The following CDK2AP1 variants were observed in gnomAD, a reference collection of about 807,000 sequenced individuals.
CDK2AP1 encodes the protein cyclin-dependent kinase 2-associated protein 1.
Under a neutral mutation model 14.1 loss-of-function variants are expected in CDK2AP1, and 10 were observed. The ratio of observed to expected loss-of-function variants is 0.71; its 90% CI spans 0.44 to 1.20. The LOEUF is 1.20. Among genes scored for constraint, CDK2AP1 ranks in the 50% most tolerant of loss-of-function variants. CDK2AP1 has a pLI of 0.00. For synonymous variants in CDK2AP1, 59 were observed against 59.8 expected (o/e 0.99, Z 0.06); for missense variants, 102 against 149.9 (o/e 0.68, Z 1.67).
At chr12:123,270,177 C>G in intron 1 of CDK2AP1, 1 of 981,476 alleles carries the variant, frequency 1.0e-6, no homozygotes, top group Non-Finnish European at 1.2e-6. Flanking sequence ...GCAGTCCTAC[C>G]TGGCAACAAA....
At chr12:123,268,235 A>G in intron 1 of CDK2AP1, 1 of 985,466 alleles carries the variant, frequency 1.0e-6, no homozygotes, top group Non-Finnish European at 1.2e-6. Flanking sequence ...TCACACACAC[A>G]GTGGGCGCCG....
Position 123,265,463 on chromosome 12 carries a change from ACTGCACTCCAGC to A in CDK2AP1, c.154-153_154-142del, listed in dbSNP as rs2048280291. The A allele has an allele frequency of 1.4e-6, 1 of 695,318 alleles. No homozygotes were observed. Among genetic ancestry groups the A allele is most frequent in the Non-Finnish European group, 2.5e-6 (1 of 402,844 alleles). The allele number at this position is 695,318 out of a possible 1,614,324, so 43.1% of individuals were successfully genotyped here. On this transcript the variant is annotated intron_variant, in intron 2 of 3. Transcript: ENST00000261692. The surrounding 1 kb of genome is among the most constrained non-coding windows in gnomAD (Gnocchi z 5.3). ...AGTTGCAGTGAGCCAAGATCACTCC[ACTGCACTCCAGC>A]CTGGGCAACAGAGCGAGACTCCATC...
In CDK2AP1 at chr12:123,265,045, C is replaced by T. The variant is rs959002549; in HGVS notation, c.280+151G>A. On this transcript the variant is annotated intron_variant, in intron 3 of 3. Transcript: ENST00000261692. This position sits in a 1 kb window ranked among gnomAD's most constrained non-coding sequence, Gnocchi z 5.3. Reference sequence around the variant, plus strand: ...ACCAGACCCATCGCCTGCCTGAGGCCTCCACCACAGACGGCAACTCTGTAA... The same window carrying T: ...ACCAGACCCATCGCCTGCCTGAGGCTTCCACCACAGACGGCAACTCTGTAA... 40 of 1,119,700 alleles carry T rather than the reference C, an allele frequency of 3.6e-5. No individual in the cohort carries two copies. Among genetic ancestry groups the T allele is most frequent in the Non-Finnish European group, 3.5e-5 (27 of 770,818 alleles). 69.4% of individuals were successfully genotyped at this position (1,119,700 alleles called of 1,614,324 possible). A position where few individuals can be genotyped will look rare whatever the true frequency, so the allele number is the denominator to read the frequency against.
rs2048275430 is a variant in CDK2AP1 at position 123,265,026 on chromosome 12, C to T, written c.280+170G>A. On this transcript the variant is annotated intron_variant, in intron 3 of 3. Transcript: ENST00000261692. The surrounding 1 kb of genome is among the most constrained non-coding windows in gnomAD (Gnocchi z 5.3). Reference sequence around the variant, plus strand: ...GCCCCCCAGGCCCCTCGCTACCAGACCCATCGCCTGCCTGAGGCCTCCACC... The same window carrying T: ...GCCCCCCAGGCCCCTCGCTACCAGATCCATCGCCTGCCTGAGGCCTCCACC... 1.3e-5 allele frequency among the ~76,000 whole-genome samples: 2 copies of T among 152,178 alleles called. No homozygotes were observed. Among genetic ancestry groups the T allele is most frequent in the Admixed American group, 1.3e-4 (2 of 15,270 alleles).
At chr12:123,267,408 G>A in intron 1 of CDK2AP1, 126 bp from the exon 2 acceptor site, 1 of 674,520 alleles carries the variant, frequency 1.5e-6, no homozygotes, top group South Asian at 1.6e-5. Flanking sequence ...GGAGAACCCT[G>A]CTCTCCACCT....
intron 1 of CDK2AP1, among the ~76,000 whole-genome samples, chr12:123,268,640 G>A (rs980012430): frequency 6.6e-6 from 1 of 152,234 alleles, no homozygotes; most frequent in African/African-American, 2.4e-5. Context: ...GCAGAGCACC[G>A]TGCCACTCCG....
At position 123,270,882 on chromosome 12, in the gene CDK2AP1, C is replaced by G. The variant is rs1213737687; in HGVS notation, c.55+682G>C. 4 of 985,232 alleles carry G rather than the reference C, an allele frequency of 4.1e-6. No homozygotes were observed. The African/African-American group carries it at 7.0e-5, about 17-fold the overall frequency. The allele number at this position is 985,232 out of a possible 1,614,324, so 61.0% of individuals were successfully genotyped here. A position where few individuals can be genotyped will look rare whatever the true frequency, so the allele number is the denominator to read the frequency against. On this transcript the variant is annotated intron_variant, in intron 1 of 3. Coordinates refer to ENST00000261692, the MANE Select transcript of CDK2AP1 (RefSeq NM_004642.4). ...CTGCGCCAACTTCGTTCACTCCGCG[C>G]TCACCTTACGGGGGTCCCCGCGTGA...
rs1320773776 is a variant in CDK2AP1, at chr12:123,261,323, GTGCTGTCAATA to G, written c.*402_*412del. On this transcript the variant is annotated 3_prime_UTR_variant, in exon 4 of 4. Coordinates refer to ENST00000261692, the MANE Select transcript of CDK2AP1 (RefSeq NM_004642.4). ...ATGGGAACCGGCTACTAAGTAAAGC[GTGCTGTCAATA>G]TGCGTTCAAAACAAAATCCCTACAG... 8 of 159,180 alleles carry G rather than the reference GTGCTGTCAATA, an allele frequency of 5.0e-5. No homozygotes were observed. In the East Asian group the frequency reaches 1.5e-3, roughly 30 times the overall value. The allele number at this position is 159,180 out of a possible 1,614,324, so 9.9% of individuals were successfully genotyped here.
At chr12:123,267,311 G>C in intron 1 of CDK2AP1, 29 bp from the exon 2 acceptor site, 1 of 1,421,602 alleles carries the variant, frequency 7.0e-7, no homozygotes, top group Non-Finnish European at 9.9e-7. Context: ...GAGGCCAGGA[G>C]TCAGCTCAGC....
At chr12:123,271,931 G>A (rs1318136415), upstream of CDK2AP1, 2 of 146,530 alleles carry the variant, frequency 1.4e-5, no homozygotes, top group Admixed American at 6.8e-5. Flanking sequence ...CTGCGGCCGC[G>A]CCCCGCGCCT....
chr12:123,263,325 G>A (rs995202412), intron 3 of CDK2AP1, among the ~76,000 whole-genome samples: 2 of 151,898 alleles, frequency 1.3e-5, no homozygotes, highest in African/African-American at 2.4e-5. Flanking sequence ...CCTCTATGAC[G>A]TGTTTTCACC....
intron 3 of CDK2AP1, among the ~76,000 whole-genome samples, chr12:123,264,766 T>C (rs2048271549): frequency 6.6e-6 from 1 of 151,874 alleles, no homozygotes; most frequent in Non-Finnish European, 1.5e-5. Context: ...CCCACACACT[T>C]CCTTGGGTCT....
At chr12:123,266,566 A>C (rs931742659) in intron 2 of CDK2AP1, among the ~76,000 whole-genome samples, 5 of 152,186 alleles carry the variant, frequency 3.3e-5, no homozygotes, top group African/African-American at 1.2e-4. Context: ...GGTGCAGCTG[A>C]GATGGTGGCG....
chr12:123,263,071 G>A (rs2048249307), intron 3 of CDK2AP1, among the ~76,000 whole-genome samples: 1 of 151,706 alleles, frequency 6.6e-6, no homozygotes, highest in Non-Finnish European at 1.5e-5. Flanking sequence ...AAAATTAGAT[G>A]GGCGTGGTGG....
intron 1 of CDK2AP1, among the ~76,000 whole-genome samples, chr12:123,269,542 C>A (rs1052835922): frequency 6.6e-6 from 1 of 152,232 alleles, no homozygotes; most frequent in Non-Finnish European, 1.5e-5. Context: ...AGACAATGAG[C>A]GCAGTGTGCA....
chr12:123,263,154 T>A (rs549491484), intron 3 of CDK2AP1, among the ~76,000 whole-genome samples: 1 of 144,820 alleles, frequency 6.9e-6, no homozygotes, highest in African/African-American at 2.6e-5. Context: ...GAGGTTGCAG[T>A]GAGCCGAGAT....
Position 123,265,438 on chromosome 12 carries a change from A to T in CDK2AP1, c.154-116T>A. The T allele has an allele frequency of 1.1e-6, 1 of 933,990 alleles. No homozygotes were observed. The highest frequency in any genetic ancestry group is 1.7e-6 in the Non-Finnish European group (1 of 596,328). The allele number at this position is 933,990 out of a possible 1,614,324, so 57.9% of individuals were successfully genotyped here. On this transcript the variant is annotated intron_variant, in intron 2 of 3. Transcript: ENST00000261692. This position sits in a 1 kb window ranked among gnomAD's most constrained non-coding sequence, Gnocchi z 5.3. ...GAACTGCTTGGACCCAGGAGGTGGA[A>T]GTTGCAGTGAGCCAAGATCACTCCA... is the stretch of plus-strand genomic sequence containing the variant.
rs993172393 is a variant in CDK2AP1 at position 123,271,737 on chromosome 12, C to T, written c.-119G>A. On this transcript the variant is annotated 5_prime_UTR_variant, in exon 1 of 4. Transcript: ENST00000261692. ...CGCCCGTCCGAGCGCCCGCCGAGCG[C>T]CCGCGCACTTTTTGTTGTCGGCGGC... 2 of 218,834 alleles carry T rather than the reference C, an allele frequency of 9.1e-6. No individual in the cohort carries two copies. The highest frequency in any genetic ancestry group is 2.4e-3 in the Middle Eastern group (1 of 424). 13.6% of individuals were successfully genotyped at this position (218,834 alleles called of 1,614,324 possible).
rs533212195 is a variant in CDK2AP1 at position 123,265,058 on chromosome 12, G to A, written c.280+138C>T. The stretch of plus-strand genomic sequence containing the variant: ...CCTGCCTGAGGCCTCCACCACAGAC[G>A]GCAACTCTGTAACAAGACAGGAGCT... On this transcript the variant is annotated intron_variant, in intron 3 of 3. Coordinates refer to ENST00000261692, the MANE Select transcript of CDK2AP1 (RefSeq NM_004642.4). This position sits in a 1 kb window ranked among gnomAD's most constrained non-coding sequence, Gnocchi z 5.3. The A allele has an allele frequency of 1.8e-4, 223 of 1,234,576 alleles. 3 individuals are homozygous for A. The South Asian group carries it at 2.4e-3, about 13-fold the overall frequency. The allele number at this position is 1,234,576 out of a possible 1,614,324, so 76.5% of individuals were successfully genotyped here.
Sources: gnomAD v4.1 joint callset for allele counts (sites outside exome capture counted in the v4.1 genomes callset) on GRCh38, gnomAD v4.1.1 for gene constraint, Gnocchi (gnomAD v3.1) non-coding constraint, MANE v1.5 for transcripts, NCBI Gene and HGNC (gene_info 2026-07-23, HGNC 2026-07-21) for gene names.